Variants in NEMP1 observed in about 807,000 individuals in gnomAD.
The protein encoded by NEMP1 is nuclear envelope integral membrane protein 1.
Under a neutral mutation model 53.7 loss-of-function variants are expected in NEMP1, and 29 were observed. That is an observed-to-expected ratio of 0.54 (90% CI 0.40 to 0.74). NEMP1 has a LOEUF of 0.74. Ranked by LOEUF, NEMP1 falls within the 30% of genes least tolerant of loss-of-function variation. The pLI, the probability that NEMP1 is intolerant of heterozygous loss-of-function variation, is 0.00. For missense variants in NEMP1, 477 were observed against 528.6 expected (o/e 0.90, Z 0.96); for synonymous variants, 193 against 192.9 (o/e 1.00, Z 0.00).
At chr12:57,070,934 G>C in intron 2 of NEMP1, 41 bp from the exon 3 acceptor site, 3 of 1,519,936 alleles carry the variant, frequency 2.0e-6, no homozygotes, top group Non-Finnish European at 2.7e-6. Context: ...AAAGGAAGTA[G>C]GAATTTTAAT....
intron 1 of NEMP1, among the ~76,000 whole-genome samples, chr12:57,078,042 C>G (rs1189993233): frequency 1.3e-5 from 2 of 152,326 alleles, no homozygotes; most frequent in Non-Finnish European, 2.9e-5. Flanking sequence ...GATCGCACCA[C>G]TGCACTCCAG....
At chr12:57,070,935 G>A (rs1277041445) in intron 2 of NEMP1, 42 bp from the exon 3 acceptor site, 2 of 1,517,648 alleles carry the variant, frequency 1.3e-6, no homozygotes, top group Non-Finnish European at 1.8e-6. Flanking sequence ...AAGGAAGTAG[G>A]AATTTTAATT....
At chr12:57,078,341 G>A in intron 1 of NEMP1, among the ~76,000 whole-genome samples, 1 of 152,028 alleles carries the variant, frequency 6.6e-6, no homozygotes, top group East Asian at 1.9e-4. Flanking sequence ...CAGCCCCCAG[G>A]ACTGCTTCTC....
At chr12:57,074,630 T>C (rs1424260723) in intron 1 of NEMP1, among the ~76,000 whole-genome samples, 1 of 152,174 alleles carries the variant, frequency 6.6e-6, no homozygotes, top group African/African-American at 2.4e-5. Context: ...ATATAGTACT[T>C]TTGGAGGATA....
In NEMP1 at chr12:57,059,741, T is replaced by C. The variant is rs572967513; in HGVS notation, c.*138A>G. 1.3e-6 allele frequency: 1 copy of C among 752,860 alleles called. No homozygotes were observed. Among genetic ancestry groups the C allele is most frequent in the South Asian group, 2.1e-5 (1 of 47,282 alleles). 46.6% of individuals were successfully genotyped at this position (752,860 alleles called of 1,614,324 possible). A position where few individuals can be genotyped will look rare whatever the true frequency, so the allele number is the denominator to read the frequency against. On this transcript the variant is annotated 3_prime_UTR_variant, in exon 9 of 9. Transcript: ENST00000300128. Reference sequence around the variant, plus strand: ...CCTCCCATTTCCAAAGGGAGGCCTTTTTAGGCCTCTTATTTCAGTAGGAGA... The same window carrying C: ...CCTCCCATTTCCAAAGGGAGGCCTTCTTAGGCCTCTTATTTCAGTAGGAGA...
intron 7 of NEMP1, among the ~76,000 whole-genome samples, chr12:57,062,550 C>T (rs1188496672): frequency 2.0e-5 from 3 of 151,622 alleles, no homozygotes; most frequent in Non-Finnish European, 2.9e-5. Context: ...TGTGGCGGGG[C>T]GCAGTGGCTC....
chr12:57,069,825 C>G (rs1279909763), intron 3 of NEMP1, among the ~76,000 whole-genome samples: 1 of 149,522 alleles, frequency 6.7e-6, no homozygotes, highest in Non-Finnish European at 1.5e-5. Flanking sequence ...ACCAGGGGGC[C>G]CTAGCAAAGG....
chr12:57,080,978 C>T (rs2032831151), upstream of NEMP1, among the ~76,000 whole-genome samples: 1 of 151,844 alleles, frequency 6.6e-6, no homozygotes, highest in South Asian at 2.1e-4. Flanking sequence ...TCTAGGCCAA[C>T]AGTGCTGATA....
chr12:57,062,713 G>A (rs752547664), intron 7 of NEMP1, among the ~76,000 whole-genome samples: 85 of 150,914 alleles, frequency 5.6e-4, no homozygotes, highest in Non-Finnish European at 1.1e-3. Flanking sequence ...ATGTGGTGGC[G>A]CATGCCTGTA....
upstream of NEMP1, chr12:57,078,855 A>G: frequency 7.7e-7 from 1 of 1,290,432 alleles, no homozygotes; most frequent in Non-Finnish European, 1.1e-6. Flanking sequence ...AACCAATGGG[A>G]TGGGCAGGGC....
At chr12:57,060,512 C>T (rs1455629552) in intron 8 of NEMP1, among the ~76,000 whole-genome samples, 5 of 152,118 alleles carry the variant, frequency 3.3e-5, no homozygotes, top group African/African-American at 1.2e-4. Context: ...GACAGCAATG[C>T]AAAACTTTCA....
chr12:57,083,411 T>C (rs115301479), upstream of NEMP1, among the ~76,000 whole-genome samples: 1,677 of 152,312 alleles, frequency 0.011, 32 homozygotes, highest in African/African-American at 0.037. Flanking sequence ...CACAATGCAA[T>C]GAATATTCAT....
rs1334506335 is a variant in NEMP1 at position 57,056,866 on chromosome 12, T to C, written c.*3013A>G. On this transcript the variant is annotated 3_prime_UTR_variant, in exon 9 of 9. Coordinates refer to ENST00000300128, the MANE Select transcript of NEMP1 (RefSeq NM_001130963.2). ...GACGGCTGGGCCCTAGAATGGAATC[T>C]ATTAGCATAAAATGGAACAGTGGGA... 1 of 152,188 alleles carries C rather than the reference T, an allele frequency of 6.6e-6. No homozygotes were observed. The highest frequency in any genetic ancestry group is 1.5e-5 in the Non-Finnish European group (1 of 68,034). 9.4% of individuals were successfully genotyped at this position (152,188 alleles called of 1,614,324 possible).
intron 4 of NEMP1, among the ~76,000 whole-genome samples, chr12:57,065,210 G>A (rs2032013781): frequency 6.6e-6 from 1 of 152,096 alleles, no homozygotes; most frequent in Admixed American, 6.6e-5. Context: ...GAAGTTTGCT[G>A]CATTGACTCA....
upstream of NEMP1, among the ~76,000 whole-genome samples, chr12:57,082,987 C>A (rs147372270): frequency 1.8e-3 from 268 of 152,152 alleles, 1 homozygote; most frequent in African/African-American, 6.3e-3. Flanking sequence ...CACCACTGTG[C>A]AGCCTAGGTG....
At chr12:57,079,768 T>C (rs2032787847), upstream of NEMP1, among the ~76,000 whole-genome samples, 3 of 122,924 alleles carry the variant, frequency 2.4e-5, no homozygotes, top group Admixed American at 2.6e-4. Context: ...AAAACAAGAA[T>C]TTTTTTTTTT....
At chr12:57,077,530 G>T (rs950988891) in intron 1 of NEMP1, among the ~76,000 whole-genome samples, 1 of 151,910 alleles carries the variant, frequency 6.6e-6, no homozygotes, top group Non-Finnish European at 1.5e-5. Context: ...AACAAAAAAA[G>T]AATTTTAAAT....
Position 57,060,053 on chromosome 12 carries a change from A to G in NEMP1, c.1161T>C (p.Ala387=), listed in dbSNP as rs753740380. Residue 387 remains alanine (A), a synonymous_variant, in exon 9 of 9, where the codon GCT becomes GCC. Transcript: ENST00000300128. Reference sequence around the variant, plus strand: ...GGTGGGAAGAGCCTTCCACAAAGTCAGCAAATCTGGAAAAGAGAAGATAAT... The same window carrying G: ...GGTGGGAAGAGCCTTCCACAAAGTCGGCAAATCTGGAAAAGAGAAGATAAT... ...VSRIQSPKRF[A]DFVEGSSHLT... The G allele has an allele frequency of 2.5e-6, 4 of 1,613,630 alleles. No individual in the cohort carries two copies. In the East Asian group the frequency reaches 6.7e-5, roughly 27 times the overall value.
chr12:57,063,542 T>G (rs563306476), intron 6 of NEMP1, among the ~76,000 whole-genome samples, 198 bp from the exon 7 acceptor site: 1 of 152,346 alleles, frequency 6.6e-6, no homozygotes, highest in African/African-American at 2.4e-5. Flanking sequence ...TTTATTTGGT[T>G]CAAACAGAAC....
Sources: allele counts gnomAD v4.1 joint callset (sites outside exome capture counted in the v4.1 genomes callset), GRCh38; gene constraint gnomAD v4.1.1; transcripts MANE v1.5; gene names NCBI Gene and HGNC (gene_info 2026-07-23, HGNC 2026-07-21).